KAZN: variants seen among roughly 807,000 people sequenced by gnomAD.
KAZN encodes kazrin.
A neutral mutation model predicts 87.4 loss-of-function variants in KAZN; 40 were observed. The observed-to-expected ratio is 0.46, with a 90% CI of 0.36 to 0.60. KAZN has a LOEUF of 0.60. Ranked by LOEUF, KAZN falls within the 20% of genes least tolerant of loss-of-function variation. KAZN has a pLI of 0.00. For synonymous variants in KAZN, 466 were observed against 458.3 expected, an observed-to-expected ratio of 1.02 and a Z score of -0.22; for missense variants, 898 against 1,073.9, an observed-to-expected ratio of 0.84 and a Z score of 2.29.
chr1:13,899,459 C>T (rs1289222805), intron 1 of KAZN, among the ~76,000 whole-genome samples: 2 of 152,120 alleles, frequency 1.3e-5, no homozygotes, highest in Non-Finnish European at 2.9e-5. Context: ...AAATTAATCT[C>T]CAGAAATGTT....
chr1:14,827,360 G>A (rs1324561090), intron 1 of KAZN, among the ~76,000 whole-genome samples: 1 of 152,120 alleles, frequency 6.6e-6, no homozygotes, highest in Non-Finnish European at 1.5e-5. Flanking sequence ...CCCATCACCC[G>A]AGCAGTGTAC....
chr1:14,838,432 G>A (rs145001374), intron 1 of KAZN, among the ~76,000 whole-genome samples: 1 of 152,296 alleles, frequency 6.6e-6, no homozygotes, highest in East Asian at 1.9e-4. Context: ...GAGATGAACT[G>A]GAAAGTCCAA....
intron 1 of KAZN, among the ~76,000 whole-genome samples, chr1:14,853,092 A>G (rs952809427): frequency 6.6e-6 from 1 of 152,216 alleles, no homozygotes; most frequent in African/African-American, 2.4e-5. Context: ...AAGTCCAGGC[A>G]CATTCCTCAT....
At chr1:14,075,287 T>C (rs1214700819) in intron 1 of KAZN, among the ~76,000 whole-genome samples, 1 of 152,194 alleles carries the variant, frequency 6.6e-6, no homozygotes, top group Non-Finnish European at 1.5e-5. Flanking sequence ...GAAATACACA[T>C]AAGTTAAAGC....
chr1:13,927,965 C>T (rs993475757), intron 1 of KAZN, among the ~76,000 whole-genome samples: 5 of 152,168 alleles, frequency 3.3e-5, no homozygotes, highest in Non-Finnish European at 5.9e-5. Context: ...ACAAGCCTGG[C>T]AGTGGGTTCA....
chr1:14,598,698 C>G lies in KAZN; in HGVS notation c.-300C>G. 7.6e-7 allele frequency: 1 copy of G among 1,312,706 alleles called. No individual in the cohort carries two copies. The highest frequency in any genetic ancestry group is 9.6e-7 in the Non-Finnish European group (1 of 1,038,804). The allele number at this position is 1,312,706 out of a possible 1,614,324, so 81.3% of individuals were successfully genotyped here. A position where few individuals can be genotyped will look rare whatever the true frequency, so the allele number is the denominator to read the frequency against. The stretch of plus-strand genomic sequence containing the variant: ...GCGCGCGGTGTCCTTCTTGGAGCAG[C>G]TCTCGGCGCCCGCCCGCCGGGGTCT... On this transcript the variant is annotated 5_prime_UTR_variant, in exon 1 of 15. Transcript: ENST00000376030. This position sits in a 1 kb window ranked among gnomAD's most constrained non-coding sequence, Gnocchi z 4.2.
chr1:14,826,554 C>T (rs1019666888), intron 1 of KAZN, among the ~76,000 whole-genome samples: 26 of 152,286 alleles, frequency 1.7e-4, no homozygotes, highest in East Asian at 1.4e-3. Flanking sequence ...CCATGGGTGT[C>T]GCCTCCCTCC....
chr1:15,050,227 C>G lies in KAZN; in HGVS notation c.727-5864C>G, dbSNP rs142711298. The stretch of plus-strand genomic sequence containing the variant: ...ATAGAATAGAATAGAATAGAACCTT[C>G]CCCCTAGAGTGACAGTGCAGGGAAG... On this transcript the variant is annotated intron_variant, in intron 4 of 14. Transcript: ENST00000376030. 4.6e-4 allele frequency among the ~76,000 whole-genome samples: 62 copies of G among 134,086 alleles called. 1 individual carries two copies. In the East Asian group the frequency reaches 0.013, roughly 28 times the overall value. The allele number at this position is 134,086 out of a possible 152,430, so 88.0% of individuals were successfully genotyped here. A position where few individuals can be genotyped will look rare whatever the true frequency, so the allele number is the denominator to read the frequency against.
chr1:14,943,248 C>T (rs1661355922), intron 1 of KAZN, among the ~76,000 whole-genome samples: 1 of 151,828 alleles, frequency 6.6e-6, no homozygotes, highest in Admixed American at 6.6e-5. Flanking sequence ...ATTAAAGTTC[C>T]GTCTCTACCT....
chr1:14,409,750 A>T (rs1349654149), intron 2 of KAZN, among the ~76,000 whole-genome samples: 1 of 152,198 alleles, frequency 6.6e-6, no homozygotes, highest in East Asian at 1.9e-4. Flanking sequence ...AAGAGTCAGA[A>T]ATTACAGCAA....
At chr1:13,893,461 T>TA in exon 1 of KAZN, 2 of 785,632 alleles carry the variant, frequency 2.5e-6, no homozygotes, top group East Asian at 5.7e-5. Flanking sequence ...TTTCATTTTT[T>TA]ACTTGACTGG....
chr1:14,010,619 A>T (rs1254017926), intron 1 of KAZN, among the ~76,000 whole-genome samples: 1 of 152,178 alleles, frequency 6.6e-6, no homozygotes, highest in Non-Finnish European at 1.5e-5. Flanking sequence ...CTGCCCTTTT[A>T]TGAGCAGGGC....
chr1:14,817,778 GA>G (rs36003629), intron 1 of KAZN, among the ~76,000 whole-genome samples: 65,248 of 146,348 alleles, frequency 0.45, 15,427 homozygotes, highest in African/African-American at 0.65. Context: ...TTCTAAATAG[GA>G]AAAAAAAAAA....
intron 2 of KAZN, among the ~76,000 whole-genome samples, chr1:14,330,457 C>T (rs1656763949): frequency 6.6e-6 from 1 of 152,000 alleles, no homozygotes; most frequent in Admixed American, 6.6e-5. Context: ...TGAAATTGCT[C>T]CTTCCAGCCA....
intron 2 of KAZN, among the ~76,000 whole-genome samples, chr1:14,461,382 G>C (rs551291137): frequency 6.6e-6 from 1 of 152,240 alleles, no homozygotes; most frequent in African/African-American, 2.4e-5. Flanking sequence ...CACGAGATCT[G>C]ATGCTTTTAT....
At chr1:14,869,583 T>C (rs1042945293) in intron 1 of KAZN, among the ~76,000 whole-genome samples, 3 of 152,222 alleles carry the variant, frequency 2.0e-5, no homozygotes, top group Non-Finnish European at 4.4e-5. Context: ...CTGGGCTCTT[T>C]CTGGATCGGA....
At chr1:14,741,164 G>C (rs1644088333) in intron 1 of KAZN, among the ~76,000 whole-genome samples, 1 of 152,114 alleles carries the variant, frequency 6.6e-6, no homozygotes, top group South Asian at 2.1e-4. Context: ...GCCTGAATAT[G>C]ATTGGTGCTT....
At chr1:15,102,990 G>A (rs557145) in intron 11 of KAZN, among the ~76,000 whole-genome samples, 82,339 of 152,090 alleles carry the variant, frequency 0.54, 22,691 homozygotes, top group East Asian at 0.78. Context: ...GCCAGGCCTG[G>A]TGGCTCACGC....
intron 1 of KAZN, among the ~76,000 whole-genome samples, chr1:14,139,573 A>G (rs768461342): frequency 6.6e-6 from 1 of 152,092 alleles, no homozygotes; most frequent in African/African-American, 2.4e-5. Context: ...GCTTCCTGCA[A>G]TGTGCTTGAC....
Sources: gnomAD v4.1 joint callset for allele counts (sites outside exome capture counted in the v4.1 genomes callset) on GRCh38, gnomAD v4.1.1 for gene constraint, Gnocchi (gnomAD v3.1) non-coding constraint, MANE v1.5 for transcripts, NCBI Gene and HGNC (gene_info 2026-07-23, HGNC 2026-07-21) for gene names.